PTHLH: variants seen among roughly 807,000 people sequenced by gnomAD.
PTHLH encodes parathyroid hormone like hormone.
Under a neutral mutation model 18.6 loss-of-function variants are expected in PTHLH, and 5 were observed. The ratio of observed to expected loss-of-function variants is 0.27; its 90% CI spans 0.14 to 0.56. The LOEUF (loss-of-function observed/expected upper bound fraction) is 0.56. Among genes scored for constraint, PTHLH ranks in the 20% least tolerant of loss-of-function variants. The probability of loss-of-function intolerance (pLI) is 0.92; values close to 1 mark genes in which losing one functional copy is unlikely to be tolerated. For synonymous variants in PTHLH, 90 were observed against 94.0 expected (o/e 0.96, Z 0.25); for missense variants, 207 against 223.9 (o/e 0.92, Z 0.48).
intron 4 of PTHLH, among the ~76,000 whole-genome samples, chr12:27,967,934 G>A (rs1447380314): frequency 6.6e-6 from 1 of 152,142 alleles, no homozygotes; most frequent in Non-Finnish European, 1.5e-5. Flanking sequence ...AGAGAAAACA[G>A]GTATTTCTTA....
chr12:27,969,646 G>GA (rs778706343), intron 3 of PTHLH, 130 bp from the exon 4 acceptor site: 12 of 883,410 alleles, frequency 1.4e-5, no homozygotes, highest in East Asian at 2.4e-5. Flanking sequence ...AAGTTGAAAA[G>GA]AAAAAAAATT....
intron 4 of PTHLH, among the ~76,000 whole-genome samples, chr12:27,965,165 C>T (rs2120644500): frequency 6.6e-6 from 1 of 152,282 alleles, no homozygotes; most frequent in East Asian, 1.9e-4. Context: ...AAATGACTTG[C>T]CCTAGTCTAC....
In PTHLH at chr12:27,958,380, C is replaced by A. The variant is rs997371955; in HGVS notation, c.*179G>T. 1.2e-5 allele frequency: 5 copies of A among 406,056 alleles called. No individual in the cohort carries two copies. Among genetic ancestry groups the A allele is most frequent in the Non-Finnish European group, 2.0e-5 (5 of 245,060 alleles). 25.2% of individuals were successfully genotyped at this position (406,056 alleles called of 1,614,324 possible). On this transcript the variant is annotated 3_prime_UTR_variant, in exon 6 of 6. Transcript: ENST00000545234. ...AATGTGATAATAATAATTGGATTAGCCTTGGCAAAAAAAAAATATTCACAA... is the reference window on the plus strand; with the variant it reads ...AATGTGATAATAATAATTGGATTAGACTTGGCAAAAAAAAAATATTCACAA...
intron 4 of PTHLH, among the ~76,000 whole-genome samples, chr12:27,967,142 T>C (rs919298892): frequency 2.6e-5 from 4 of 152,242 alleles, no homozygotes; most frequent in African/African-American, 9.6e-5. Flanking sequence ...TCTGAATCTG[T>C]GGAGTTCCCT....
In PTHLH at chr12:27,970,012, GCTGT is replaced by G. The variant is rs776623953; in HGVS notation, c.-23+9_-23+12del. On this transcript the variant is annotated intron_variant, in intron 3 of 5. Coordinates refer to ENST00000545234, the MANE Select transcript of PTHLH (RefSeq NM_198965.2). ...AGCGAAACCCACATATATATACATA[GCTGT>G]CTGTCTACCTCCTCTGGTGGGCTGG... 5 of 519,022 alleles carry G rather than the reference GCTGT, an allele frequency of 9.6e-6. No homozygotes were observed. The highest frequency in any genetic ancestry group is 1.9e-5 in the Admixed American group (1 of 51,604). 32.2% of individuals were successfully genotyped at this position (519,022 alleles called of 1,614,324 possible).
intron 5 of PTHLH, 176 bp downstream of exon 5, chr12:27,963,172 G>A: frequency 6.7e-7 from 1 of 1,494,802 alleles, no homozygotes; most frequent in Non-Finnish European, 8.9e-7. Context: ...GTGTGGTAGG[G>A]GGGTACTGCT....
At chr12:27,969,960 A>G (rs6246) in intron 3 of PTHLH, 65 bp downstream of exon 3, 155,122 of 519,122 alleles carry the variant, frequency 0.3, 24,539 homozygotes, top group African/African-American at 0.38. Context: ...TTTGCGAACC[A>G]GGCCCTTTCG....
chr12:27,972,654 G>C lies in PTHLH; in HGVS notation c.-490C>G, dbSNP rs970237770. ...AATTAAATCTTAAAATGAATTAAAA[G>C]CTTCTTGAAAGGAGACTTCTGTTCC... On this transcript the variant is annotated 5_prime_UTR_variant, in exon 1 of 6. Coordinates refer to ENST00000545234, the MANE Select transcript of PTHLH (RefSeq NM_198965.2). 1 of 152,124 alleles carries C rather than the reference G, an allele frequency of 6.6e-6. No homozygotes were observed. The highest frequency in any genetic ancestry group is 1.5e-5 in the Non-Finnish European group (1 of 68,016). The allele number at this position is 152,124 out of a possible 1,614,324, so 9.4% of individuals were successfully genotyped here. A position where few individuals can be genotyped will look rare whatever the true frequency, so the allele number is the denominator to read the frequency against.
rs1555124120 is a variant in PTHLH, at chr12:27,961,311, A to ATACGTATATATATATACG, written c.524+2036_524+2037insCGTATATATATATACGTA. On this transcript the variant is annotated intron_variant, in intron 5 of 5. Coordinates refer to ENST00000545234, the MANE Select transcript of PTHLH (RefSeq NM_198965.2). ...CGTATATATATATACGTATATATAT[A>ATACGTATATATATATACG]TATATATATACGTATATATATACTT... Among the ~76,000 whole-genome samples the ATACGTATATATATATACG allele has an allele frequency of 1.6e-4, 17 of 108,720 alleles. 1 individual carries two copies. Among genetic ancestry groups the ATACGTATATATATATACG allele is most frequent in the Admixed American group, 5.8e-4 (6 of 10,298 alleles). 71.3% of individuals were successfully genotyped at this position (108,720 alleles called of 152,430 possible).
Position 27,963,475 on chromosome 12 carries a change from G to A in PTHLH, c.397C>T (p.Arg133Cys), listed in dbSNP as rs758972275. 4 of 1,614,132 alleles carry A rather than the reference G, an allele frequency of 2.5e-6. No homozygotes were observed. In the East Asian group the frequency reaches 8.9e-5, roughly 36 times the overall value. ...GKKKKGKPGK[R>C]KEQEKKKRRT... is the part of the protein sequence containing the mutation. Reference sequence around the variant, plus strand: ...CGTTTTTTCTTTTCCTGCTCCTTGCGTTTCCCGGGCTTGCCTTTCTTTTTC... The same window carrying A: ...CGTTTTTTCTTTTCCTGCTCCTTGCATTTCCCGGGCTTGCCTTTCTTTTTC... Residue 133 changes from arginine (R) to cysteine (C), a missense_variant, in exon 5 of 6, where the codon CGC (arginine) becomes TGC (cysteine). By Grantham distance (180) the Arg-to-Cys change is radical (BLOSUM62 -3). Coordinates refer to ENST00000545234, the MANE Select transcript of PTHLH (RefSeq NM_198965.2).
At chr12:27,970,627 TC>T (rs1274314807) in intron 2 of PTHLH, among the ~76,000 whole-genome samples, 1 of 151,764 alleles carries the variant, frequency 6.6e-6, no homozygotes, top group Non-Finnish European at 1.5e-5. Flanking sequence ...GGAGCCGAGA[TC>T]CCCGAGGGCG....
rs190961680 is a variant in PTHLH at position 27,969,634 on chromosome 12, C to T, written c.-22-118G>A. The stretch of plus-strand genomic sequence containing the variant: ...GCCTCTTCAACATCAAGGGCATCTC[C>T]CAAGTTGAAAAGAAAAAAAATTTCT... On this transcript the variant is annotated intron_variant, in intron 3 of 5. Transcript: ENST00000545234. The T allele has an allele frequency of 3.6e-5, 35 of 961,370 alleles. No individual in the cohort carries two copies. In the Admixed American group the frequency reaches 6.0e-4, roughly 17 times the overall value. 59.6% of individuals were successfully genotyped at this position (961,370 alleles called of 1,614,324 possible). A position where few individuals can be genotyped will look rare whatever the true frequency, so the allele number is the denominator to read the frequency against.
intron 5 of PTHLH, among the ~76,000 whole-genome samples, chr12:27,961,257 T>C (rs1329699815): frequency 1.2e-5 from 1 of 83,594 alleles, no homozygotes; most frequent in African/African-American, 4.1e-5. Flanking sequence ...AAAAGTTATT[T>C]ATACCTCTTT....
intron 5 of PTHLH, among the ~76,000 whole-genome samples, chr12:27,959,802 T>A (rs772391796): frequency 2.2e-4 from 34 of 152,064 alleles, no homozygotes; most frequent in Non-Finnish European, 4.3e-4. Context: ...AAAAGAAGAG[T>A]TTAAGATTAA....
rs1565525321 is a variant in PTHLH, at chr12:27,969,502, G to A, written c.-8C>T. The A allele has an allele frequency of 6.4e-7, 1 of 1,564,016 alleles. No individual in the cohort carries two copies. Among genetic ancestry groups the A allele is most frequent in the Admixed American group, 1.9e-5 (1 of 53,574 alleles). On this transcript the variant is annotated 5_prime_UTR_variant, in exon 4 of 6. Coordinates refer to ENST00000545234, the MANE Select transcript of PTHLH (RefSeq NM_198965.2). The stretch of plus-strand genomic sequence containing the variant: ...AACCAGTCTCCGCTGCATCGTCTCC[G>A]CTCGCGCTCGGGACCTGCAACAGAA...
At position 27,971,998 on chromosome 12, in the gene PTHLH, C is replaced by T. The variant is rs534067345; in HGVS notation, c.-337G>A. ...AAAGATGCAGGAGCCCTAATGTAAT[C>T]GTTAGATCTGAAGGGGGAAATCTGT... On this transcript the variant is annotated 5_prime_UTR_variant, in exon 2 of 6. Transcript: ENST00000545234. The T allele has an allele frequency of 1.2e-3, 148 of 119,016 alleles. 3 individuals carry two copies. The highest frequency in any genetic ancestry group is 4.7e-3 in the African/African-American group (141 of 30,196). The allele number at this position is 119,016 out of a possible 1,614,324, so 7.4% of individuals were successfully genotyped here.
At position 27,969,398 on chromosome 12, in the gene PTHLH, G is replaced by T; in HGVS notation, c.97C>A (p.Arg33Ser). 1 of 1,578,456 alleles carries T rather than the reference G, an allele frequency of 6.3e-7. No homozygotes were observed. Among genetic ancestry groups the T allele is most frequent in the East Asian group, 2.3e-5 (1 of 43,052 alleles). ...CGRSVEGLSR[R>S]LKRAVSEHQL... is the part of the protein sequence containing the mutation. ...TGGGGAGGATGGGGCACTTACAGGC[G>T]GCGGCTGAGACCCTCCACCGAGCGC... The change falls in exon 4 of 6, where the codon CGC (arginine) becomes AGC (serine). Residue 33 changes from arginine (R) to serine (S), a missense_variant. Transcript: ENST00000545234.
In PTHLH at chr12:27,958,449, A is replaced by C; in HGVS notation, c.*110T>G. On this transcript the variant is annotated 3_prime_UTR_variant, in exon 6 of 6. Transcript: ENST00000545234. ...ATAGAGCAATGGGGGAGACAGTTTT[A>C]TTCCAATGCATTTACAGTATTTACA... is the stretch of plus-strand genomic sequence containing the variant. The C allele has an allele frequency of 1.9e-6, 2 of 1,073,314 alleles. No homozygotes were observed. The highest frequency in any genetic ancestry group is 5.8e-5 in the East Asian group (2 of 34,670). 66.5% of individuals were successfully genotyped at this position (1,073,314 alleles called of 1,614,324 possible). A position where few individuals can be genotyped will look rare whatever the true frequency, so the allele number is the denominator to read the frequency against.
chr12:27,967,162 A>C (rs73261987), intron 4 of PTHLH, among the ~76,000 whole-genome samples: 2,088 of 152,332 alleles, frequency 0.014, 43 homozygotes, highest in African/African-American at 0.045. Context: ...TCTCTAACTT[A>C]AACATAGAGA....
Sources: gnomAD v4.1 joint callset for allele counts (sites outside exome capture counted in the v4.1 genomes callset) on GRCh38, gnomAD v4.1.1 for gene constraint, MANE v1.5 for transcripts, NCBI Gene and HGNC (gene_info 2026-07-23, HGNC 2026-07-21) for gene names.